Variants in PTPRD observed in about 807,000 individuals in gnomAD.
The protein encoded by PTPRD is receptor-type tyrosine-protein phosphatase delta.
Under a neutral mutation model 214.5 loss-of-function variants are expected in PTPRD, and 34 were observed. That is an observed-to-expected ratio of 0.16 (90% CI 0.12 to 0.21). The LOEUF is 0.21. Ranked by LOEUF, PTPRD falls within the 10% of genes least tolerant of loss-of-function variation. PTPRD has a pLI of 1.00. For missense variants in PTPRD, 2,545 were observed against 2,398.7 expected (o/e 1.06, Z -1.27); for synonymous variants, 1,128 against 845.7 (o/e 1.33, Z -5.79).
At chr9:8,781,706 G>C (rs1426564772) in intron 11 of PTPRD, among the ~76,000 whole-genome samples, 2 of 152,158 alleles carry the variant, frequency 1.3e-5, no homozygotes, top group Non-Finnish European at 2.9e-5. Flanking sequence ...ATCTTAATCA[G>C]ACTGTGCAGG....
chr9:9,951,442 A>C (rs535510770), intron 4 of PTPRD, among the ~76,000 whole-genome samples: 72 of 152,332 alleles, frequency 4.7e-4, no homozygotes, highest in Non-Finnish European at 8.4e-4. Flanking sequence ...TGAAAAAATG[A>C]AACAAAATTC....
At chr9:10,066,505 A>C (rs1007095922) in intron 3 of PTPRD, among the ~76,000 whole-genome samples, 1 of 151,908 alleles carries the variant, frequency 6.6e-6, no homozygotes, top group Non-Finnish European at 1.5e-5. Context: ...CATGTATGAC[A>C]CTTAGTAGCT....
intron 3 of PTPRD, among the ~76,000 whole-genome samples, chr9:10,161,682 A>G (rs547264949): frequency 6.6e-5 from 10 of 151,966 alleles, no homozygotes; most frequent in Non-Finnish European, 1.3e-4. Context: ...ATTGCAAGCC[A>G]TAATAGCTGA....
intron 7 of PTPRD, among the ~76,000 whole-genome samples, chr9:9,694,924 A>T: frequency 6.6e-6 from 1 of 151,864 alleles, no homozygotes; most frequent in East Asian, 1.9e-4. Flanking sequence ...CTGGACTCGG[A>T]CTCCCAAGAG....
chr9:10,567,104 T>C (rs1388054881), intron 2 of PTPRD, among the ~76,000 whole-genome samples: 2 of 152,072 alleles, frequency 1.3e-5, no homozygotes, highest in South Asian at 4.1e-4. Context: ...ATTTAGTAAT[T>C]AGTGTTGTGA....
At position 8,486,147 on chromosome 9, in the gene PTPRD, T is replaced by A; in HGVS notation, c.2670A>T (p.Ser890=). The change falls in exon 28 of 46, where the codon TCA becomes TCT. Residue 890 remains serine, a synonymous_variant. Transcript: ENST00000381196. The stretch of plus-strand genomic sequence containing the variant: ...TTCTGGCTGAGAGCCTGAAGACGTA[T>A]GATGCTCCCTTGTGGATGTCTGTAG... ...FTATDIHKGA[S]YVFRLSARNK... is the part of the protein sequence containing the mutation. The A allele has an allele frequency of 6.2e-7, 1 of 1,614,222 alleles. No individual in the cohort carries two copies. The highest frequency in any genetic ancestry group is 1.1e-5 in the South Asian group (1 of 91,086).
intron 12 of PTPRD, among the ~76,000 whole-genome samples, chr9:8,659,971 C>A (rs1056576557): frequency 1.3e-5 from 2 of 152,086 alleles, no homozygotes; most frequent in Non-Finnish European, 2.9e-5. Flanking sequence ...CAATATCATA[C>A]CTATTATAAG....
At chr9:10,593,689 A>C (rs1252899188) in intron 2 of PTPRD, among the ~76,000 whole-genome samples, 1 of 151,984 alleles carries the variant, frequency 6.6e-6, no homozygotes. Context: ...ATTTTCTAAA[A>C]ATTTTGGCAG....
chr9:9,057,087 C>A (rs990833197), intron 10 of PTPRD, among the ~76,000 whole-genome samples: 1 of 152,022 alleles, frequency 6.6e-6, no homozygotes, highest in African/African-American at 2.4e-5. Context: ...CTTCATAAAC[C>A]TTAAATAGCT....
intron 12 of PTPRD, among the ~76,000 whole-genome samples, chr9:8,677,260 G>C (rs2097443607): frequency 6.6e-6 from 1 of 152,076 alleles, no homozygotes; most frequent in Admixed American, 6.5e-5. Flanking sequence ...CAAAGACACG[G>C]AATCAACCTA....
In PTPRD at chr9:9,866,242, G is replaced by A. The variant is rs183344493; in HGVS notation, c.-368+72265C>T. ...TTTAGAATCTGCTATATATGTCATA[G>A]CCTTAATCAGTTGTAGTTTTGTTAA... On this transcript the variant is annotated intron_variant, in intron 5 of 45. Transcript: ENST00000381196. Among the ~76,000 whole-genome samples, 1,155 of 152,164 alleles carry A rather than the reference G, an allele frequency of 7.6e-3. 6 individuals carry two copies. The highest frequency in any genetic ancestry group is 0.037 in the Middle Eastern group (11 of 294).
At chr9:9,462,532 A>T (rs540796686) in intron 8 of PTPRD, among the ~76,000 whole-genome samples, 1 of 152,320 alleles carries the variant, frequency 6.6e-6, no homozygotes, top group East Asian at 1.9e-4. Context: ...GATTTTTAAA[A>T]CAGATAATTT....
intron 11 of PTPRD, among the ~76,000 whole-genome samples, chr9:8,768,186 G>C (rs565797348): frequency 2.7e-4 from 41 of 152,242 alleles, no homozygotes; most frequent in Middle Eastern, 6.8e-3. Context: ...CTTGAGCCCA[G>C]GAGTTTGAAA....
At chr9:10,395,782 G>C (rs2098157089) in intron 2 of PTPRD, among the ~76,000 whole-genome samples, 2 of 151,842 alleles carry the variant, frequency 1.3e-5, no homozygotes, top group South Asian at 4.1e-4. Flanking sequence ...CCTGAATGAA[G>C]TGTAATAATC....
At chr9:10,545,926 GC>G (rs1251523644) in intron 2 of PTPRD, among the ~76,000 whole-genome samples, 1 of 152,082 alleles carries the variant, frequency 6.6e-6, no homozygotes, top group Non-Finnish European at 1.5e-5. Context: ...AATTAGGCTG[GC>G]ATATTATAAT....
intron 3 of PTPRD, among the ~76,000 whole-genome samples, chr9:10,276,468 G>A (rs191615529): frequency 3.5e-4 from 53 of 152,248 alleles, no homozygotes; most frequent in African/African-American, 1.1e-3. Context: ...TAGTATCTTG[G>A]TAAATCAAGA....
chr9:8,487,729 G>A (rs975840986), intron 27 of PTPRD, among the ~76,000 whole-genome samples: 1 of 152,192 alleles, frequency 6.6e-6, no homozygotes, highest in Non-Finnish European at 1.5e-5. Context: ...AGCATCACTT[G>A]AACCCGGGAG....
intron 10 of PTPRD, among the ~76,000 whole-genome samples, chr9:9,076,065 A>C (rs1186389898): frequency 1.3e-5 from 2 of 152,168 alleles, no homozygotes; most frequent in East Asian, 3.9e-4. Flanking sequence ...CATCCTCTCC[A>C]GCACCTGTTG....
At chr9:8,353,393 A>C (rs1203742208) in intron 39 of PTPRD, among the ~76,000 whole-genome samples, 1 of 149,412 alleles carries the variant, frequency 6.7e-6, no homozygotes, top group African/African-American at 2.4e-5. Context: ...ATTATGAATC[A>C]GTATGCCTAT....
Sources: allele counts gnomAD v4.1 joint callset (sites outside exome capture counted in the v4.1 genomes callset), GRCh38; gene constraint gnomAD v4.1.1; transcripts MANE v1.5; gene names NCBI Gene and HGNC (gene_info 2026-07-23, HGNC 2026-07-21).